Variants in ZC3H3 observed in about 807,000 individuals in gnomAD.
The protein encoded by ZC3H3 is zinc finger CCCH-type containing 3, also known as zinc finger CCCH domain-containing protein 3.
A neutral mutation model predicts 77.3 loss-of-function variants in ZC3H3; 36 were observed. The observed-to-expected ratio is 0.47, with a 90% CI of 0.36 to 0.61. The LOEUF (loss-of-function observed/expected upper bound fraction) is 0.61. Among genes scored for constraint, ZC3H3 ranks in the 20% least tolerant of loss-of-function variants. The pLI, the probability that ZC3H3 is intolerant of heterozygous loss-of-function variation, is 0.00. For missense variants in ZC3H3, 1,331 were observed against 1,312.2 expected (o/e 1.01, Z -0.22); for synonymous variants, 626 against 555.2 (o/e 1.13, Z -1.79).
intron 4 of ZC3H3, among the ~76,000 whole-genome samples, chr8:143,479,159 C>T (rs935855258): frequency 6.6e-6 from 1 of 152,164 alleles, no homozygotes; most frequent in Admixed American, 6.5e-5. Context: ...TGCAGGTTGG[C>T]GGGGGTGACG....
intron 4 of ZC3H3, among the ~76,000 whole-genome samples, chr8:143,503,250 G>T (rs1001571663): frequency 2.6e-5 from 4 of 152,162 alleles, no homozygotes; most frequent in African/African-American, 9.7e-5. Flanking sequence ...CGTTGAGGCA[G>T]GAGTCCCGTT....
rs577221387 is a variant in ZC3H3, at chr8:143,487,665, C to A, written c.1716-12080G>T. 6.5e-4 allele frequency among the ~76,000 whole-genome samples: 31 copies of A among 47,344 alleles called. 2 individuals carry two copies. The highest frequency in any genetic ancestry group is 2.2e-3 in the African/African-American group (29 of 13,260). The allele number at this position is 47,344 out of a possible 152,430, so 31.1% of individuals were successfully genotyped here. On this transcript the variant is annotated intron_variant, in intron 4 of 11. Transcript: ENST00000262577. Reference sequence around the variant, plus strand: ...ACGAAGCTCACACACAGAACAGCACCCGCTACACGACCCCATCACCACGAA... The same window carrying A: ...ACGAAGCTCACACACAGAACAGCACACGCTACACGACCCCATCACCACGAA...
At chr8:143,464,012 C>T (rs1820339224) in intron 9 of ZC3H3, among the ~76,000 whole-genome samples, 1 of 152,206 alleles carries the variant, frequency 6.6e-6, no homozygotes, top group South Asian at 2.1e-4. Context: ...ATATTATAAA[C>T]TCTCTGGGGC....
At chr8:143,448,238 A>G (rs955341553) in intron 9 of ZC3H3, among the ~76,000 whole-genome samples, 4 of 151,060 alleles carry the variant, frequency 2.6e-5, no homozygotes, top group Non-Finnish European at 4.4e-5. Context: ...CCTGGGAGGC[A>G]GAGGTTGCGG....
chr8:143,441,627 G>C (rs1436608667), intron 9 of ZC3H3, among the ~76,000 whole-genome samples: 1 of 152,206 alleles, frequency 6.6e-6, no homozygotes, highest in African/African-American at 2.4e-5. Flanking sequence ...CTGTCACAGT[G>C]CTAATTATAC....
At chr8:143,491,474 C>A (rs1464361348) in intron 4 of ZC3H3, among the ~76,000 whole-genome samples, 1 of 152,248 alleles carries the variant, frequency 6.6e-6, no homozygotes, top group African/African-American at 2.4e-5. Context: ...GGGCGAGGCT[C>A]ACACCCGTAT....
chr8:143,482,228 G>A lies in ZC3H3; in HGVS notation c.1716-6643C>T, dbSNP rs892258601. Among the ~76,000 whole-genome samples the A allele has an allele frequency of 3.9e-5, 6 of 152,214 alleles. No homozygotes were observed. The East Asian group carries it at 9.6e-4, about 24-fold the overall frequency. Reference sequence around the variant, plus strand: ...CCCTCCTGGCGCCAGGTCTTTGCACGTGCTGTCCCTCTGTCCAGATCCCAG... The same window carrying A: ...CCCTCCTGGCGCCAGGTCTTTGCACATGCTGTCCCTCTGTCCAGATCCCAG... On this transcript the variant is annotated intron_variant, in intron 4 of 11. Transcript: ENST00000262577.
At chr8:143,484,539 G>C (rs1820997202) in intron 4 of ZC3H3, 1 of 155,160 alleles carries the variant, frequency 6.4e-6, no homozygotes, top group African/African-American at 2.4e-5. Context: ...TTCAGCTGAA[G>C]CTATTGGTGT....
chr8:143,443,235 A>G (rs1158138644), intron 9 of ZC3H3, among the ~76,000 whole-genome samples: 2 of 149,520 alleles, frequency 1.3e-5, no homozygotes, highest in Non-Finnish European at 3.0e-5. Context: ...CAGTGAGCCA[A>G]GATTGCACCA....
chr8:143,518,102 C>G (rs1324654283), intron 3 of ZC3H3, among the ~76,000 whole-genome samples: 1 of 152,226 alleles, frequency 6.6e-6, no homozygotes, highest in East Asian at 1.9e-4. Context: ...GGCCCTGGTG[C>G]TGCAGGAGGG....
At chr8:143,517,558 TCCCCA>T (rs1346983507) in intron 3 of ZC3H3, among the ~76,000 whole-genome samples, 1 of 152,058 alleles carries the variant, frequency 6.6e-6, no homozygotes, top group African/African-American at 2.4e-5. Flanking sequence ...CCAGCCTCGG[TCCCCA>T]CTTCACAAAG....
intron 3 of ZC3H3, among the ~76,000 whole-genome samples, chr8:143,521,454 C>T (rs1300170970): frequency 2.9e-5 from 3 of 103,810 alleles, no homozygotes; most frequent in African/African-American, 5.9e-5. Context: ...CCCAGCAGGC[C>T]GGGAGGACTG....
At chr8:143,497,546 C>T (rs1465055648) in intron 4 of ZC3H3, among the ~76,000 whole-genome samples, 2 of 152,232 alleles carry the variant, frequency 1.3e-5, no homozygotes, top group Non-Finnish European at 2.9e-5. Context: ...CCCATCCTGG[C>T]AGCTGTGGTC....
At chr8:143,474,321 G>T (rs1013133879) in intron 5 of ZC3H3, among the ~76,000 whole-genome samples, 2 of 152,210 alleles carry the variant, frequency 1.3e-5, no homozygotes, top group African/African-American at 2.4e-5. Flanking sequence ...CAGATCCTCA[G>T]CGAGTGGGGA....
intron 3 of ZC3H3, among the ~76,000 whole-genome samples, chr8:143,513,362 C>T (rs528204382): frequency 8.5e-5 from 13 of 152,248 alleles, no homozygotes; most frequent in Admixed American, 7.2e-4. Flanking sequence ...CCAGACCAGC[C>T]GACAAGGCAG....
At position 143,441,206 on chromosome 8, in the gene ZC3H3, C is replaced by T; in HGVS notation, c.2308-86G>A. On this transcript the variant is annotated intron_variant, in intron 9 of 11. Transcript: ENST00000262577. ...AGGCAAGGAGAGCCAGGCCAGGCCCCCCGAGTACCCACGGGGCCCCATAGG... is the reference window on the plus strand; with the variant it reads ...AGGCAAGGAGAGCCAGGCCAGGCCCTCCGAGTACCCACGGGGCCCCATAGG... The T allele has an allele frequency of 2.3e-6, 3 of 1,318,238 alleles. No homozygotes were observed. The South Asian group carries it at 6.0e-5, about 26-fold the overall frequency. 81.7% of individuals were successfully genotyped at this position (1,318,238 alleles called of 1,614,324 possible).
intron 4 of ZC3H3, among the ~76,000 whole-genome samples, chr8:143,490,445 C>T (rs1220738279): frequency 1.3e-5 from 2 of 152,210 alleles, no homozygotes; most frequent in African/African-American, 4.8e-5. Context: ...GCCCAGAGAC[C>T]ACCCGGGCCC....
In ZC3H3 at chr8:143,536,417, G is replaced by A. The variant is rs367770588; in HGVS notation, c.1401C>T (p.Ala467=). Reference sequence around the variant, plus strand: ...GGCTGAGGTGGCTCTTGGCGGTGGCGGCAGGTGAGGTGCCGCTTTTCTTGT... The same window carrying A: ...GGCTGAGGTGGCTCTTGGCGGTGGCAGCAGGTGAGGTGCCGCTTTTCTTGT... ...PGDKKSGTSP[A]ATAKSHLSLR... Residue 467 remains alanine (A), a synonymous_variant, in exon 3 of 12, where the codon GCC becomes GCT. Transcript: ENST00000262577. The A allele has an allele frequency of 7.8e-6, 12 of 1,547,684 alleles. No homozygotes were observed. Among genetic ancestry groups the A allele is most frequent in the East Asian group, 7.2e-5 (3 of 41,728 alleles).
At chr8:143,511,928 G>A (rs1020914371) in intron 3 of ZC3H3, among the ~76,000 whole-genome samples, 1 of 152,258 alleles carries the variant, frequency 6.6e-6, no homozygotes, top group Non-Finnish European at 1.5e-5. Context: ...AGCTGAGCAG[G>A]AGGCCAAGAC....
Sources: gnomAD v4.1 joint callset for allele counts (sites outside exome capture counted in the v4.1 genomes callset) on GRCh38, gnomAD v4.1.1 for gene constraint, MANE v1.5 for transcripts, NCBI Gene and HGNC (gene_info 2026-07-23, HGNC 2026-07-21) for gene names.